GRIK3: variants seen among roughly 807,000 people sequenced by gnomAD.
The protein encoded by GRIK3 is glutamate receptor ionotropic, kainate 3.
In GRIK3, 29 loss-of-function variants were observed where a neutral mutation model predicts 102.5. That is an observed-to-expected ratio of 0.28 (90% CI 0.21 to 0.39). The LOEUF is 0.39. GRIK3 is among the 10% of genes least tolerant of loss of function. The pLI, the probability that GRIK3 is intolerant of heterozygous loss-of-function variation, is 1.00. For synonymous variants in GRIK3, 511 were observed against 504.9 expected, an observed-to-expected ratio of 1.01 and a Z score of -0.16; for missense variants, 908 against 1,252.4, an observed-to-expected ratio of 0.73 and a Z score of 4.15.
chr1:36,995,349 C>T (rs1298514388), intron 1 of GRIK3, among the ~76,000 whole-genome samples: 3 of 152,094 alleles, frequency 2.0e-5, no homozygotes, highest in Non-Finnish European at 4.4e-5. Flanking sequence ...ATTTTAAGAC[C>T]CCTGCTCTCA....
rs376206716 is a variant in GRIK3, at chr1:36,975,841, C to T, written c.115+58153G>A. On this transcript the variant is annotated intron_variant, in intron 1 of 15. Transcript: ENST00000373091. ...CTGGCCTGTAGGTCACATGAGAGGT[C>T]ACATGACAGCAGTAAGCCGTCTACC... Among the ~76,000 whole-genome samples, 115 of 152,304 alleles carry T rather than the reference C, an allele frequency of 7.6e-4. No homozygotes were observed. The East Asian group carries it at 0.02, about 26-fold the overall frequency.
At chr1:36,902,533 A>G (rs1641242869) in intron 1 of GRIK3, among the ~76,000 whole-genome samples, 1 of 152,228 alleles carries the variant, frequency 6.6e-6, no homozygotes, top group South Asian at 2.1e-4. Flanking sequence ...CCACATGCAA[A>G]AAAGAATCTA....
At chr1:37,026,883 T>C (rs2124086375) in intron 1 of GRIK3, among the ~76,000 whole-genome samples, 1 of 152,058 alleles carries the variant, frequency 6.6e-6, no homozygotes, top group East Asian at 1.9e-4. Context: ...CACGAGCTGA[T>C]GTCAGAGATA....
intron 1 of GRIK3, among the ~76,000 whole-genome samples, chr1:36,983,821 A>G (rs185208130): frequency 2.9e-4 from 44 of 152,246 alleles, no homozygotes; most frequent in African/African-American, 7.2e-4. Flanking sequence ...ATGAAATTTT[A>G]GATTTCCACT....
At chr1:36,843,021 C>G (rs372273296) in intron 9 of GRIK3, among the ~76,000 whole-genome samples, 3 of 152,210 alleles carry the variant, frequency 2.0e-5, no homozygotes, top group Middle Eastern at 3.4e-3. Context: ...AGGCTTCTTT[C>G]TTTCTGGGTG....
At chr1:37,015,781 G>A (rs1642646974) in intron 1 of GRIK3, among the ~76,000 whole-genome samples, 1 of 152,222 alleles carries the variant, frequency 6.6e-6, no homozygotes, top group Admixed American at 6.5e-5. Context: ...GAATGCGAAG[G>A]GGCTTGTGTC....
At chr1:36,848,833 G>T (rs1640548616) in intron 9 of GRIK3, among the ~76,000 whole-genome samples, 3 of 148,522 alleles carry the variant, frequency 2.0e-5, no homozygotes, top group Non-Finnish European at 3.0e-5. Context: ...TTTGCTTATT[G>T]GTTTTAGCAG....
At chr1:36,838,399 A>G (rs977707190) in intron 10 of GRIK3, among the ~76,000 whole-genome samples, 1 of 152,236 alleles carries the variant, frequency 6.6e-6, no homozygotes, top group African/African-American at 2.4e-5. Context: ...ACAGACAAGT[A>G]GGCAGTAAAT....
intron 1 of GRIK3, among the ~76,000 whole-genome samples, chr1:37,013,753 G>A (rs1285913548): frequency 6.6e-6 from 1 of 152,214 alleles, no homozygotes; most frequent in African/African-American, 2.4e-5. Flanking sequence ...GCAGAGGAGG[G>A]AGAATGAGGC....
chr1:36,984,499 C>T (rs1173720320), intron 1 of GRIK3, among the ~76,000 whole-genome samples: 2 of 152,222 alleles, frequency 1.3e-5, no homozygotes, highest in African/African-American at 4.8e-5. Flanking sequence ...CCACAAATGG[C>T]TCCTTCCTGC....
chr1:37,028,806 AAGCTT>A (rs763040144), intron 1 of GRIK3, among the ~76,000 whole-genome samples: 3 of 152,188 alleles, frequency 2.0e-5, no homozygotes, highest in Non-Finnish European at 4.4e-5. Flanking sequence ...TGACGCCACC[AAGCTT>A]AGTTCCCTCA....
intron 1 of GRIK3, among the ~76,000 whole-genome samples, chr1:37,009,337 G>A (rs897697738): frequency 6.6e-6 from 1 of 152,166 alleles, no homozygotes; most frequent in Non-Finnish European, 1.5e-5. Flanking sequence ...ACTGAGGCCT[G>A]GGCAAGCTCA....
chr1:36,915,341 G>C (rs1641386801), intron 1 of GRIK3, among the ~76,000 whole-genome samples: 1 of 152,186 alleles, frequency 6.6e-6, no homozygotes, highest in Non-Finnish European at 1.5e-5. Flanking sequence ...TTATCAGCTT[G>C]TTCATCTCTT....
intron 3 of GRIK3, among the ~76,000 whole-genome samples, chr1:36,875,813 G>T (rs1640907398): frequency 6.6e-6 from 1 of 152,210 alleles, no homozygotes; most frequent in South Asian, 2.1e-4. Context: ...GAGTTTTTGA[G>T]GTGGTTTGTT....
At chr1:36,949,725 C>T (rs1399086573) in intron 1 of GRIK3, among the ~76,000 whole-genome samples, 1 of 151,778 alleles carries the variant, frequency 6.6e-6, no homozygotes, top group African/African-American at 2.4e-5. Context: ...CAGGTGTGTG[C>T]CACCATGTCC....
chr1:36,940,934 C>T (rs1028127135), intron 1 of GRIK3, among the ~76,000 whole-genome samples: 1 of 152,188 alleles, frequency 6.6e-6, no homozygotes, highest in Non-Finnish European at 1.5e-5. Context: ...CCCAATCAGA[C>T]CCAAACACAC....
In GRIK3 at chr1:36,880,568, A is replaced by G. The variant is rs937577031; in HGVS notation, c.550+66T>C. 3 of 1,490,938 alleles carry G rather than the reference A, an allele frequency of 2.0e-6. No individual in the cohort carries two copies. Among genetic ancestry groups the G allele is most frequent in the Admixed American group, 1.7e-5 (1 of 59,008 alleles). 92.4% of individuals were successfully genotyped at this position (1,490,938 alleles called of 1,614,324 possible). A position where few individuals can be genotyped will look rare whatever the true frequency, so the allele number is the denominator to read the frequency against. The stretch of plus-strand genomic sequence containing the variant: ...CAGCTGTGCTGAACAAACAGACAAG[A>G]GCTTGATCCTGGGCCTCTGCCCCCC... On this transcript the variant is annotated intron_variant, in intron 3 of 15. Coordinates refer to ENST00000373091, the MANE Select transcript of GRIK3 (RefSeq NM_000831.4). The surrounding 1 kb of genome is among the most constrained non-coding windows in gnomAD (Gnocchi z 5.4).
Position 36,801,635 on chromosome 1 carries a change from T to C in GRIK3, c.*216A>G. The stretch of plus-strand genomic sequence containing the variant: ...CCTTGGCTATCTCGGCTGGCAGCTT[T>C]AGAAACCCACAGAAGATCTGAGGAG... On this transcript the variant is annotated 3_prime_UTR_variant, in exon 16 of 16. Coordinates refer to ENST00000373091, the MANE Select transcript of GRIK3 (RefSeq NM_000831.4). 1 of 435,516 alleles carries C rather than the reference T, an allele frequency of 2.3e-6. No individual in the cohort carries two copies. The highest frequency in any genetic ancestry group is 4.0e-6 in the Non-Finnish European group (1 of 248,198). 27.0% of individuals were successfully genotyped at this position (435,516 alleles called of 1,614,324 possible).
chr1:36,896,243 C>G (rs1267083656), intron 1 of GRIK3, among the ~76,000 whole-genome samples: 1 of 152,082 alleles, frequency 6.6e-6, no homozygotes. Flanking sequence ...ATTTTTCTTA[C>G]TCTTAATTGA....
Sources: gnomAD v4.1 joint callset for allele counts (sites outside exome capture counted in the v4.1 genomes callset) on GRCh38, gnomAD v4.1.1 for gene constraint, Gnocchi (gnomAD v3.1) non-coding constraint, MANE v1.5 for transcripts, NCBI Gene and HGNC (gene_info 2026-07-23, HGNC 2026-07-21) for gene names.